SNTG1: variants seen among roughly 807,000 people sequenced by gnomAD.
SNTG1 encodes gamma-1-syntrophin.
SNTG1 carries 39 observed loss-of-function variants against 74.7 expected under a neutral mutation model. The observed-to-expected ratio is 0.52, with a 90% CI of 0.40 to 0.68. SNTG1 has a LOEUF of 0.68. Among genes scored for constraint, SNTG1 ranks in the 30% least tolerant of loss-of-function variants. The pLI is 0.00. For missense variants in SNTG1, 685 were observed against 609.5 expected, an observed-to-expected ratio of 1.12 and a Z score of -1.30; for synonymous variants, 254 against 217.1, an observed-to-expected ratio of 1.17 and a Z score of -1.49.
At chr8:50,739,525 A>G (rs1470482817) in intron 17 of SNTG1, among the ~76,000 whole-genome samples, 1 of 152,100 alleles carries the variant, frequency 6.6e-6, no homozygotes, top group Non-Finnish European at 1.5e-5. Flanking sequence ...AAGATCTAGA[A>G]CCAGAAATAC....
chr8:50,285,823 A>C (rs935217301), intron 2 of SNTG1, among the ~76,000 whole-genome samples: 1 of 152,152 alleles, frequency 6.6e-6, no homozygotes, highest in African/African-American at 2.4e-5. Flanking sequence ...CCAAAAAAAA[A>C]AAAACAAAGG....
intron 2 of SNTG1, among the ~76,000 whole-genome samples, chr8:50,301,471 A>G (rs1417032664): frequency 2.0e-5 from 3 of 152,228 alleles, no homozygotes; most frequent in East Asian, 3.9e-4. Context: ...TATCATCATC[A>G]TACTGTCATT....
chr8:50,107,391 A>T (rs556223866), intron 1 of SNTG1, among the ~76,000 whole-genome samples: 2 of 152,306 alleles, frequency 1.3e-5, no homozygotes, highest in African/African-American at 4.8e-5. Flanking sequence ...CATGTATGAT[A>T]TTTAAAGGTC....
intron 8 of SNTG1, among the ~76,000 whole-genome samples, chr8:50,463,821 C>T (rs921145202): frequency 6.6e-6 from 1 of 152,230 alleles, no homozygotes; most frequent in Non-Finnish European, 1.5e-5. Flanking sequence ...TTGACTTCTC[C>T]TCTCTAGCTA....
rs200583119 is a variant in SNTG1 at position 50,472,910 on chromosome 8, CA to C, written c.363+22188del. On this transcript the variant is annotated intron_variant, in intron 8 of 18. Transcript: ENST00000642720. The stretch of plus-strand genomic sequence containing the variant: ...TCTCCAAAAAATATACACAAATGGC[CA>C]AAAAAACATATGAAAAAATGCTCAA... Among the ~76,000 whole-genome samples, 1,423 of 151,612 alleles carry C rather than the reference CA, an allele frequency of 9.4e-3. 30 individuals are homozygous for C. Among genetic ancestry groups the C allele is most frequent in the African/African-American group, 0.033 (1,365 of 41,316 alleles).
chr8:49,976,579 A>G (rs1812211685), intron 1 of SNTG1, among the ~76,000 whole-genome samples: 1 of 152,200 alleles, frequency 6.6e-6, no homozygotes, highest in Non-Finnish European at 1.5e-5. Context: ...TGCCAAAAGA[A>G]AAGTGTCTTA....
intron 1 of SNTG1, among the ~76,000 whole-genome samples, chr8:50,068,586 G>A (rs762962438): frequency 6.6e-6 from 1 of 152,164 alleles, no homozygotes; most frequent in African/African-American, 2.4e-5. Flanking sequence ...TTTTCCAGTC[G>A]CATGGAGCAC....
At chr8:50,099,570 C>T (rs1285099626) in intron 1 of SNTG1, among the ~76,000 whole-genome samples, 2 of 152,108 alleles carry the variant, frequency 1.3e-5, no homozygotes, top group Non-Finnish European at 2.9e-5. Context: ...AAACTTCATG[C>T]TGCTCTCCAC....
In SNTG1 at chr8:50,232,449, C is replaced by T. The variant is rs2132072556; in HGVS notation, c.-28+59814C>T. On this transcript the variant is annotated intron_variant, in intron 2 of 18. Coordinates refer to ENST00000642720, the MANE Select transcript of SNTG1 (RefSeq NM_018967.5). ...ACATTCTGAACTTAATAAAGAGGAT[C>T]TATAAAGAAAAATAGAAAAACTACA... Among the ~76,000 whole-genome samples the T allele has an allele frequency of 3.3e-5, 5 of 151,294 alleles. No individual in the cohort carries two copies. The South Asian group carries it at 1.0e-3, about 31-fold the overall frequency.
At chr8:50,378,039 G>A (rs1246085764) in intron 2 of SNTG1, among the ~76,000 whole-genome samples, 1 of 152,230 alleles carries the variant, frequency 6.6e-6, no homozygotes, top group Non-Finnish European at 1.5e-5. Flanking sequence ...CGCCCACTCG[G>A]CCTGGCAGGC....
chr8:50,088,083 C>T (rs1228801671), intron 1 of SNTG1, among the ~76,000 whole-genome samples: 19 of 150,400 alleles, frequency 1.3e-4, no homozygotes, highest in Admixed American at 3.3e-4. Flanking sequence ...TTTCCAATTT[C>T]ATCCATGTCC....
chr8:50,274,045 A>G (rs1420970859), intron 2 of SNTG1, among the ~76,000 whole-genome samples: 2 of 152,102 alleles, frequency 1.3e-5, no homozygotes, highest in African/African-American at 2.4e-5. Context: ...AAATGCTGGT[A>G]TATAAGAGCA....
chr8:50,709,777 C>G (rs1343843046), intron 17 of SNTG1, among the ~76,000 whole-genome samples: 1 of 152,176 alleles, frequency 6.6e-6, no homozygotes, highest in East Asian at 1.9e-4. Context: ...CCTCTTCCCT[C>G]TCATTGAGGA....
In SNTG1 at chr8:50,253,011, T is replaced by C. The variant is rs1391360503; in HGVS notation, c.-28+80376T>C. ...CAATCCAAGTAGAATGTCTATTATA[T>C]AAAACCCAAAAGAAAACAAGTGGTG... is the stretch of plus-strand genomic sequence containing the variant. On this transcript the variant is annotated intron_variant, in intron 2 of 18. Coordinates refer to ENST00000642720, the MANE Select transcript of SNTG1 (RefSeq NM_018967.5). 9.2e-5 allele frequency among the ~76,000 whole-genome samples: 14 copies of C among 152,102 alleles called. No homozygotes were observed. In the East Asian group the frequency reaches 1.2e-3, roughly 13 times the overall value.
chr8:50,651,621 C>A (rs1160213273), intron 13 of SNTG1, among the ~76,000 whole-genome samples: 1 of 150,808 alleles, frequency 6.6e-6, no homozygotes, highest in Non-Finnish European at 1.5e-5. Flanking sequence ...CCAAGCCCAA[C>A]TAATTTTGTA....
chr8:50,216,390 G>A (rs997007202), intron 2 of SNTG1, among the ~76,000 whole-genome samples: 2 of 152,076 alleles, frequency 1.3e-5, no homozygotes, highest in African/African-American at 4.8e-5. Context: ...ATACATTGCT[G>A]AAGGAAAGAA....
intron 13 of SNTG1, among the ~76,000 whole-genome samples, chr8:50,621,832 T>C (rs79884247): frequency 0.041 from 6,190 of 152,296 alleles, 171 homozygotes; most frequent in Admixed American, 0.061. Context: ...TATAAAACTC[T>C]TAGAAATAAT....
At chr8:50,415,742 G>A (rs1020802961) in intron 4 of SNTG1, among the ~76,000 whole-genome samples, 1 of 151,856 alleles carries the variant, frequency 6.6e-6, no homozygotes, top group African/African-American at 2.4e-5. Flanking sequence ...CTACATATGT[G>A]GAAACGGTAA....
intron 12 of SNTG1, among the ~76,000 whole-genome samples, chr8:50,553,808 T>C (rs1225762220): frequency 6.6e-6 from 1 of 152,192 alleles, no homozygotes; most frequent in African/African-American, 2.4e-5. Flanking sequence ...ATGAGAAATA[T>C]AGTCTAACAA....
Sources: gnomAD v4.1 joint callset for allele counts (sites outside exome capture counted in the v4.1 genomes callset) on GRCh38, gnomAD v4.1.1 for gene constraint, MANE v1.5 for transcripts, NCBI Gene and HGNC (gene_info 2026-07-23, HGNC 2026-07-21) for gene names.